Variants in TENM3 observed in about 807,000 individuals in gnomAD.
TENM3 encodes teneurin-3.
Under a neutral mutation model 255.1 loss-of-function variants are expected in TENM3, and 63 were observed. That is an observed-to-expected ratio of 0.25 (90% CI 0.20 to 0.30). The LOEUF (loss-of-function observed/expected upper bound fraction) is 0.30, where lower values mean the gene tolerates loss of function less well. Ranked by LOEUF, TENM3 falls within the 10% of genes least tolerant of loss-of-function variation. The probability of loss-of-function intolerance (pLI) is 1.00; values close to 1 mark genes in which losing one functional copy is unlikely to be tolerated. For missense variants in TENM3, 2,929 were observed against 3,461.1 expected (o/e 0.85, Z 3.86); for synonymous variants, 1,306 against 1,322.3 (o/e 0.99, Z 0.27).
chr4:181,679,129 C>A, the TENM3 span, among the ~76,000 whole-genome samples: 1 of 152,074 alleles, frequency 6.6e-6, no homozygotes, highest in African/African-American at 2.4e-5. Context: ...CCAGTCCCAG[C>A]AAGGGTACTT....
At chr4:181,874,929 C>T in the TENM3 span, among the ~76,000 whole-genome samples, 1 of 152,338 alleles carries the variant, frequency 6.6e-6, no homozygotes, top group Admixed American at 6.5e-5. Flanking sequence ...ATCCGTCCTG[C>T]ACTGCCTGTT....
chr4:181,641,554 G>GTGTATATA, the TENM3 span, among the ~76,000 whole-genome samples: 139 of 26,840 alleles, frequency 5.2e-3, 1 homozygote, highest in Non-Finnish European at 6.5e-3. Flanking sequence ...TGGTGTGTGT[G>GTGTATATA]TATATATATA....
At chr4:182,644,689 G>T (rs1456394343) in intron 5 of TENM3, among the ~76,000 whole-genome samples, 5 of 152,040 alleles carry the variant, frequency 3.3e-5, no homozygotes, top group Admixed American at 1.3e-4. Flanking sequence ...AATTAATAAG[G>T]TTTTTTCTTA....
At chr4:181,635,412 G>T in the TENM3 span, among the ~76,000 whole-genome samples, 1 of 152,212 alleles carries the variant, frequency 6.6e-6, no homozygotes. Context: ...GAATGATCAA[G>T]TTGATGAAAA....
chr4:181,500,374 G>A, the TENM3 span, among the ~76,000 whole-genome samples: 5 of 151,736 alleles, frequency 3.3e-5, no homozygotes, highest in Non-Finnish European at 7.4e-5. Flanking sequence ...CAGGCAGATA[G>A]CCCTGACCGG....
At chr4:182,283,725 A>T (rs1760547781) in intron 1 of TENM3, among the ~76,000 whole-genome samples, 1 of 152,076 alleles carries the variant, frequency 6.6e-6, no homozygotes, top group Non-Finnish European at 1.5e-5. Context: ...GGGGTGAAAT[A>T]CTCTCTGAGA....
the TENM3 span, among the ~76,000 whole-genome samples, chr4:181,670,926 T>G: frequency 0.094 from 14,245 of 152,278 alleles, 753 homozygotes; most frequent in Middle Eastern, 0.17. Flanking sequence ...CTGGACAAGT[T>G]ATTTTCAAAA....
chr4:181,944,996 G>T, the TENM3 span, among the ~76,000 whole-genome samples: 1 of 152,048 alleles, frequency 6.6e-6, no homozygotes, highest in Non-Finnish European at 1.5e-5. Context: ...CACTGTGGTT[G>T]ATCTGATATT....
At chr4:182,683,263 ATAGT>A (rs1184717473) in intron 11 of TENM3, among the ~76,000 whole-genome samples, 1 of 152,198 alleles carries the variant, frequency 6.6e-6, no homozygotes, top group Non-Finnish European at 1.5e-5. Context: ...TATATATAAC[ATAGT>A]TAGTACAGAG....
chr4:182,501,360 C>A (rs1736297636), intron 3 of TENM3, among the ~76,000 whole-genome samples: 1 of 107,752 alleles, frequency 9.3e-6, no homozygotes. Context: ...ATAGTTAAAG[C>A]TATGTCTAAA....
chr4:181,947,827 A>G, the TENM3 span, among the ~76,000 whole-genome samples: 12 of 152,280 alleles, frequency 7.9e-5, no homozygotes, highest in Non-Finnish European at 1.5e-4. Flanking sequence ...ATCTGTTCGG[A>G]TTAAGGGTTT....
the TENM3 span, among the ~76,000 whole-genome samples, chr4:181,791,875 C>A: frequency 6.6e-6 from 1 of 152,130 alleles, no homozygotes; most frequent in Admixed American, 6.6e-5. Flanking sequence ...GTTGTTTTTG[C>A]CTGACTCTGT....
intron 3 of TENM3, among the ~76,000 whole-genome samples, chr4:182,351,203 C>G (rs1360680928): frequency 3.3e-5 from 5 of 151,978 alleles, no homozygotes; most frequent in African/African-American, 7.3e-5. Context: ...AAGGTTGCCC[C>G]TGGTATCAAG....
At chr4:182,607,394 G>T (rs1748534157) in intron 4 of TENM3, among the ~76,000 whole-genome samples, 1 of 152,130 alleles carries the variant, frequency 6.6e-6, no homozygotes, top group Non-Finnish European at 1.5e-5. Flanking sequence ...AAAGTAGGTG[G>T]ATTTTTGTAG....
At chr4:182,400,075 T>G (rs1345148560) in intron 3 of TENM3, among the ~76,000 whole-genome samples, 2 of 152,242 alleles carry the variant, frequency 1.3e-5, no homozygotes, top group Non-Finnish European at 2.9e-5. Context: ...TCCATTTTTT[T>G]GTTATACTTC....
chr4:181,981,046 C>G, the TENM3 span, among the ~76,000 whole-genome samples: 3 of 152,248 alleles, frequency 2.0e-5, no homozygotes, highest in African/African-American at 7.2e-5. Context: ...CCAACACCCC[C>G]ATGCGTGCCA....
intron 18 of TENM3, among the ~76,000 whole-genome samples, chr4:182,740,182 C>G (rs1761494250): frequency 6.6e-6 from 1 of 152,246 alleles, no homozygotes; most frequent in Admixed American, 6.5e-5. Context: ...GCTCTACACC[C>G]CTTCCAGTTA....
At chr4:182,059,323 T>C in the TENM3 span, among the ~76,000 whole-genome samples, 4 of 152,122 alleles carry the variant, frequency 2.6e-5, no homozygotes, top group African/African-American at 9.7e-5. Context: ...GAAACTATTA[T>C]AGTTTTAAGA....
At chr4:182,200,722 T>G (rs1754134806) in intron 1 of TENM3, among the ~76,000 whole-genome samples, 1 of 152,174 alleles carries the variant, frequency 6.6e-6, no homozygotes, top group Non-Finnish European at 1.5e-5. Flanking sequence ...AAACTGTTCC[T>G]TTCAGTATCC....
Sources: allele counts gnomAD v4.1 joint callset (sites outside exome capture counted in the v4.1 genomes callset), GRCh38; gene constraint gnomAD v4.1.1; transcripts MANE v1.5; gene names NCBI Gene and HGNC (gene_info 2026-07-23, HGNC 2026-07-21).